The following CSMD1 variants were observed in gnomAD, a reference collection of about 807,000 sequenced individuals.
The protein encoded by CSMD1 is CUB and Sushi multiple domains 1.
CSMD1 carries 213 observed loss-of-function variants against 417.5 expected under a neutral mutation model. The ratio of observed to expected loss-of-function variants is 0.51; its 90% CI spans 0.46 to 0.57. The LOEUF (loss-of-function observed/expected upper bound fraction) is 0.57. Among genes scored for constraint, CSMD1 ranks in the 20% least tolerant of loss-of-function variants. The pLI, the probability that CSMD1 is intolerant of heterozygous loss-of-function variation, is 0.00. For missense variants in CSMD1, 6,923 were observed against 4,529.7 expected (o/e 1.53, Z -15.17); for synonymous variants, 2,862 against 1,736.8 (o/e 1.65, Z -16.11).
intron 5 of CSMD1, among the ~76,000 whole-genome samples, chr8:3,789,261 C>T (rs552665339): frequency 6.6e-6 from 1 of 152,188 alleles, no homozygotes; most frequent in Admixed American, 6.5e-5. Context: ...TTTTGGACTT[C>T]CCAGCCTCCT....
intron 49 of CSMD1, among the ~76,000 whole-genome samples, chr8:3,053,325 G>T (rs1000946868): frequency 6.6e-6 from 1 of 152,194 alleles, no homozygotes; most frequent in Non-Finnish European, 1.5e-5. Context: ...AAAGAAAGAA[G>T]AAGGGATGAA....
chr8:3,248,986 A>G lies in CSMD1; in HGVS notation c.4154-18755T>C, dbSNP rs148410118. ...TCGGTCTGCTTTTACCTTCTCTAGA[A>G]GGTGCACTTGCTGAGCTCAGATGCT... is the stretch of plus-strand genomic sequence containing the variant. On this transcript the variant is annotated intron_variant, in intron 26 of 69. Coordinates refer to ENST00000635120, the MANE Select transcript of CSMD1 (RefSeq NM_033225.6). Among the ~76,000 whole-genome samples the G allele has an allele frequency of 3.1e-3, 471 of 152,172 alleles. 7 individuals are homozygous for G. Among genetic ancestry groups the G allele is most frequent in the African/African-American group, 0.011 (452 of 41,534 alleles).
Position 4,641,408 on chromosome 8 carries a change from C to T in CSMD1, c.86-3850G>A, listed in dbSNP as rs182592721. The stretch of plus-strand genomic sequence containing the variant: ...CTCCTTAGATAAGTCCTTAATACCA[C>T]AACCTTCCATACACAGAGTTAACTT... On this transcript the variant is annotated intron_variant, in intron 1 of 69. Transcript: ENST00000635120. Among the ~76,000 whole-genome samples, 245 of 152,242 alleles carry T rather than the reference C, an allele frequency of 1.6e-3. 2 individuals are homozygous for T. In the South Asian group the frequency reaches 0.029, roughly 18 times the overall value.
chr8:4,195,538 A>G (rs1799284214), intron 3 of CSMD1, among the ~76,000 whole-genome samples: 1 of 152,130 alleles, frequency 6.6e-6, no homozygotes, highest in South Asian at 2.1e-4. Flanking sequence ...TGTGAGAAAG[A>G]CTTGTGATGT....
rs554694561 is a variant in CSMD1, at chr8:4,578,605, A to G, written c.302+58737T>C. Among the ~76,000 whole-genome samples, 60 of 151,576 alleles carry G rather than the reference A, an allele frequency of 4.0e-4. No homozygotes were observed. In the East Asian group the frequency reaches 0.01, roughly 26 times the overall value. ...GCCAAGGTGGGCGGTTCACGAGGTC[A>G]GGAGTTCAAGATCAGCCTGGCCAAC... On this transcript the variant is annotated intron_variant, in intron 2 of 69. Transcript: ENST00000635120.
Position 3,018,599 on chromosome 8 carries a change from G to T in CSMD1, c.7907C>A (p.Thr2636Lys). ...AGCTGTGGCCCCATAAACTGTCAAC[G>T]TTCCAATCTTGTTGCCATTTGGGGG... is the stretch of plus-strand genomic sequence containing the variant. ...SFPPNGNKIG[T>K]LTVYGATAIF... Residue 2636 changes from threonine to lysine, a missense_variant, in exon 52 of 70, where the codon ACG becomes AAG. Physicochemically the swap from Thr to Lys is moderately conservative, Grantham distance 78. Coordinates refer to ENST00000635120, the MANE Select transcript of CSMD1 (RefSeq NM_033225.6). 6.2e-7 allele frequency: 1 copy of T among 1,613,078 alleles called. No individual in the cohort carries two copies. Among genetic ancestry groups the T allele is most frequent in the Non-Finnish European group, 8.5e-7 (1 of 1,179,608 alleles).
intron 3 of CSMD1, among the ~76,000 whole-genome samples, chr8:4,300,756 T>G (rs1355170283): frequency 6.6e-6 from 1 of 152,156 alleles, no homozygotes. Flanking sequence ...GGTTGTTCAA[T>G]TCCTCCCTAT....
chr8:4,678,419 A>C (rs374257153), intron 1 of CSMD1, among the ~76,000 whole-genome samples: 28 of 152,188 alleles, frequency 1.8e-4, no homozygotes, highest in East Asian at 3.9e-4. Flanking sequence ...TCAACAACAA[A>C]AAAAAAGAAT....
At chr8:4,159,634 G>C (rs976548109) in intron 3 of CSMD1, among the ~76,000 whole-genome samples, 4 of 152,152 alleles carry the variant, frequency 2.6e-5, no homozygotes, top group African/African-American at 4.8e-5. Context: ...TGTCGCCCAG[G>C]CTGGAGCACA....
intron 10 of CSMD1, among the ~76,000 whole-genome samples, chr8:3,524,090 T>G (rs1270952614): frequency 7.4e-6 from 1 of 135,346 alleles, no homozygotes; most frequent in Non-Finnish European, 1.6e-5. Context: ...CACACACGCA[T>G]GCACACCCAG....
At chr8:4,139,464 G>C (rs3849824) in intron 3 of CSMD1, among the ~76,000 whole-genome samples, 19,903 of 146,010 alleles carry the variant, frequency 0.14, 2,653 homozygotes, top group African/African-American at 0.3. Context: ...TGGAGGCGTG[G>C]ACAGTCCAGT....
At chr8:3,151,648 G>A (rs748753568) in intron 39 of CSMD1, 135 bp from the exon 40 acceptor site, 18 of 608,676 alleles carry the variant, frequency 3.0e-5, no homozygotes, top group African/African-American at 9.2e-5. Flanking sequence ...TACAGCACAC[G>A]ATACAATGCT....
intron 10 of CSMD1, among the ~76,000 whole-genome samples, chr8:3,510,155 C>A (rs1340147304): frequency 1.3e-5 from 2 of 149,420 alleles, no homozygotes; most frequent in African/African-American, 5.2e-5. Context: ...TGTGTATATG[C>A]TTTTGTGAAA....
chr8:4,391,642 G>A (rs1803856514), intron 3 of CSMD1, among the ~76,000 whole-genome samples: 2 of 151,998 alleles, frequency 1.3e-5, no homozygotes, highest in South Asian at 4.1e-4. Flanking sequence ...ACACTGCTGG[G>A]TTGACTGGTG....
intron 1 of CSMD1, among the ~76,000 whole-genome samples, chr8:4,915,677 G>A (rs1806015451): frequency 6.6e-6 from 1 of 152,210 alleles, no homozygotes; most frequent in African/African-American, 2.4e-5. Context: ...TTAGCGCCCG[G>A]CGGCAGTGGA....
intron 3 of CSMD1, among the ~76,000 whole-genome samples, chr8:4,417,570 C>G (rs1448030929): frequency 6.6e-6 from 1 of 151,840 alleles, no homozygotes; most frequent in East Asian, 1.9e-4. Flanking sequence ...TATCTAAATC[C>G]AGTTGCCTTT....
At chr8:3,415,518 C>T (rs570112489) in intron 12 of CSMD1, among the ~76,000 whole-genome samples, 1 of 152,260 alleles carries the variant, frequency 6.6e-6, no homozygotes, top group South Asian at 2.1e-4. Flanking sequence ...TCATCACGCC[C>T]AGGTAATTTT....
intron 5 of CSMD1, among the ~76,000 whole-genome samples, chr8:3,986,959 A>C (rs552542748): frequency 6.6e-6 from 1 of 152,206 alleles, no homozygotes; most frequent in South Asian, 2.1e-4. Context: ...TTCACCATGC[A>C]GTTCAGGCTG....
intron 8 of CSMD1, among the ~76,000 whole-genome samples, chr8:3,589,904 C>T (rs1054933898): frequency 8.5e-5 from 13 of 152,140 alleles, no homozygotes; most frequent in Admixed American, 5.2e-4. Context: ...TATCACCACT[C>T]TGACTAATTG....
Sources: gnomAD v4.1 joint callset for allele counts (sites outside exome capture counted in the v4.1 genomes callset) on GRCh38, gnomAD v4.1.1 for gene constraint, MANE v1.5 for transcripts, NCBI Gene and HGNC (gene_info 2026-07-23, HGNC 2026-07-21) for gene names.